PPP4R4: variants seen among roughly 807,000 people sequenced by gnomAD.
PPP4R4 encodes protein phosphatase 4 regulatory subunit 4, also known as serine/threonine-protein phosphatase 4 regulatory subunit 4.
A neutral mutation model predicts 121.8 loss-of-function variants in PPP4R4; 70 were observed. That is an observed-to-expected ratio of 0.57 (90% CI 0.47 to 0.70). PPP4R4 has a LOEUF of 0.70. Ranked by LOEUF, PPP4R4 falls within the 30% of genes least tolerant of loss-of-function variation. The probability of loss-of-function intolerance (pLI) is 0.00; values close to 1 mark genes in which losing one functional copy is unlikely to be tolerated. For synonymous variants in PPP4R4, 348 were observed against 355.7 expected, an observed-to-expected ratio of 0.98 and a Z score of 0.24; for missense variants, 875 against 1,033.6, an observed-to-expected ratio of 0.85 and a Z score of 2.10.
intron 3 of PPP4R4, among the ~76,000 whole-genome samples, chr14:94,216,782 C>T (rs540225918): frequency 6.6e-6 from 1 of 152,262 alleles, no homozygotes; most frequent in South Asian, 2.1e-4. Context: ...AGGAGCAAAA[C>T]CCACTTGCTT....
rs1891952674 is a variant in PPP4R4 at position 94,230,457 on chromosome 14, A to G, written c.295-130A>G. 7.7e-6 allele frequency: 6 copies of G among 776,128 alleles called. No homozygotes were observed. The South Asian group carries it at 9.6e-5, about 12-fold the overall frequency. 48.1% of individuals were successfully genotyped at this position (776,128 alleles called of 1,614,324 possible). Reference sequence around the variant, plus strand: ...TAATATAGTTCTCTGAAATAAGTACATATCCTTAAAGGTCATATGTCTTAA... The same window carrying G: ...TAATATAGTTCTCTGAAATAAGTACGTATCCTTAAAGGTCATATGTCTTAA... On this transcript the variant is annotated intron_variant, in intron 3 of 24. Coordinates refer to ENST00000304338, the MANE Select transcript of PPP4R4 (RefSeq NM_058237.2).
intron 18 of PPP4R4, 115 bp downstream of exon 18, chr14:94,258,939 A>T: frequency 2.0e-6 from 2 of 1,004,674 alleles, no homozygotes; most frequent in South Asian, 3.0e-5. Flanking sequence ...TCACAGTTCC[A>T]CGTGGCTGGG....
intron 3 of PPP4R4, 133 bp downstream of exon 3, chr14:94,208,699 T>C (rs906660639): frequency 1.9e-5 from 10 of 515,298 alleles, no homozygotes; most frequent in African/African-American, 1.6e-4. Flanking sequence ...TGTTATTATA[T>C]ACATTTTGAA....
intron 2 of PPP4R4, among the ~76,000 whole-genome samples, chr14:94,206,169 G>A (rs992092835): frequency 6.6e-6 from 1 of 151,604 alleles, no homozygotes; most frequent in East Asian, 1.9e-4. Flanking sequence ...ACACACTTAG[G>A]TTTGCTATTT....
chr14:94,254,356 G>A (rs1893352404), intron 16 of PPP4R4, among the ~76,000 whole-genome samples: 1 of 152,138 alleles, frequency 6.6e-6, no homozygotes. Flanking sequence ...AAGACTCTTG[G>A]TATTCAGAGA....
At position 94,251,775 on chromosome 14, in the gene PPP4R4, A is replaced by AATAG. The variant is rs1490992484; in HGVS notation, c.1746_1749dup (p.Leu584Ter). 6.3e-7 allele frequency: 1 copy of AATAG among 1,575,772 alleles called. No homozygotes were observed. Among genetic ancestry groups the AATAG allele is most frequent in the African/African-American group, 1.4e-5 (1 of 72,718 alleles). ...ATTGGGCCAAGGAAAAAGTTACTGG[A>AATAG]ATAGACTTCGATTTTTGGATACCTG... On this transcript the variant is annotated frameshift_variant, in exon 16 of 25. Coordinates refer to ENST00000304338, the MANE Select transcript of PPP4R4 (RefSeq NM_058237.2). LOFTEE classifies it high-confidence loss of function.
intron 3 of PPP4R4, among the ~76,000 whole-genome samples, chr14:94,219,070 C>T (rs367670953): frequency 1.2e-3 from 137 of 117,500 alleles, no homozygotes; most frequent in Admixed American, 1.7e-3. Context: ...TTTTTTTTTT[C>T]TTTTCTTTTC....
intron 23 of PPP4R4, among the ~76,000 whole-genome samples, chr14:94,268,237 G>A (rs538936400): frequency 9.7e-4 from 148 of 152,292 alleles, no homozygotes; most frequent in African/African-American, 3.5e-3. Flanking sequence ...AGCTAATGGT[G>A]CAGATGATTA....
intron 2 of PPP4R4, among the ~76,000 whole-genome samples, chr14:94,194,348 C>T (rs1335472841): frequency 6.6e-6 from 1 of 151,946 alleles, no homozygotes; most frequent in East Asian, 1.9e-4. Flanking sequence ...GGAGCATGTC[C>T]CAAAGAATAG....
chr14:94,206,971 T>G (rs546249015), intron 2 of PPP4R4, among the ~76,000 whole-genome samples: 1 of 152,190 alleles, frequency 6.6e-6, no homozygotes, highest in African/African-American at 2.4e-5. Flanking sequence ...CACCATTCCC[T>G]GACTTGTGGC....
intron 16 of PPP4R4, among the ~76,000 whole-genome samples, chr14:94,252,868 A>G (rs974839052): frequency 7.9e-5 from 12 of 152,230 alleles, no homozygotes; most frequent in African/African-American, 2.4e-4. Flanking sequence ...TTTAGGCAAT[A>G]TGTAAAACAT....
At chr14:94,268,857 G>T (rs1196075702) in intron 23 of PPP4R4, among the ~76,000 whole-genome samples, 1 of 152,100 alleles carries the variant, frequency 6.6e-6, no homozygotes, top group Admixed American at 6.6e-5. Flanking sequence ...ACACATGGGG[G>T]TTATTACAGT....
intron 22 of PPP4R4, 66 bp downstream of exon 22, chr14:94,265,953 G>C: frequency 1.9e-6 from 2 of 1,047,476 alleles, no homozygotes; most frequent in Non-Finnish European, 2.7e-6. Flanking sequence ...TCATATATAT[G>C]AGTTTACATT....
intron 23 of PPP4R4, among the ~76,000 whole-genome samples, chr14:94,271,918 A>G (rs1049320937): frequency 2.0e-5 from 3 of 152,212 alleles, no homozygotes; most frequent in Non-Finnish European, 2.9e-5. Flanking sequence ...ATTTACTATC[A>G]GCACTCAGAA....
chr14:94,197,510 G>A (rs188358761), intron 2 of PPP4R4, among the ~76,000 whole-genome samples: 4 of 152,006 alleles, frequency 2.6e-5, no homozygotes, highest in East Asian at 3.9e-4. Flanking sequence ...TCTTCATAGG[G>A]GTACTTTCAT....
intron 3 of PPP4R4, among the ~76,000 whole-genome samples, chr14:94,209,510 C>T (rs1015462796): frequency 6.6e-6 from 1 of 152,112 alleles, no homozygotes; most frequent in Non-Finnish European, 1.5e-5. Context: ...CCTATGCAGG[C>T]ACTGTGAACA....
At chr14:94,191,880 G>T (rs1435276138) in intron 2 of PPP4R4, among the ~76,000 whole-genome samples, 3 of 152,062 alleles carry the variant, frequency 2.0e-5, no homozygotes, top group Non-Finnish European at 4.4e-5. Context: ...CTTATGATGG[G>T]ACTATGACCT....
chr14:94,234,490 A>T, intron 6 of PPP4R4, 72 bp from the exon 7 acceptor site: 1 of 906,686 alleles, frequency 1.1e-6, no homozygotes, highest in Non-Finnish European at 1.7e-6. Context: ...TTAAGATTTT[A>T]ATGATAATTG....
chr14:94,222,163 A>G (rs1247287580), intron 3 of PPP4R4, among the ~76,000 whole-genome samples: 3 of 152,098 alleles, frequency 2.0e-5, no homozygotes, highest in East Asian at 3.9e-4. Context: ...ATTTACATTT[A>G]ATGTAATTGC....
Sources: gnomAD v4.1 joint callset for allele counts (sites outside exome capture counted in the v4.1 genomes callset) on GRCh38, gnomAD v4.1.1 for gene constraint, MANE v1.5 for transcripts, NCBI Gene and HGNC (gene_info 2026-07-23, HGNC 2026-07-21) for gene names.